Variants in KIFC3 observed in about 807,000 individuals in gnomAD.
The protein encoded by KIFC3 is kinesin family member C3.
A neutral mutation model predicts 101.8 loss-of-function variants in KIFC3; 60 were observed. The ratio of observed to expected loss-of-function variants is 0.59; its 90% CI spans 0.48 to 0.73. The LOEUF (loss-of-function observed/expected upper bound fraction) is 0.73, where lower values mean the gene tolerates loss of function less well. Among genes scored for constraint, KIFC3 ranks in the 30% least tolerant of loss-of-function variants. The pLI, the probability that KIFC3 is intolerant of heterozygous loss-of-function variation, is 0.00. For missense variants in KIFC3, 966 were observed against 1,137.1 expected, an observed-to-expected ratio of 0.85 and a Z score of 2.16; for synonymous variants, 476 against 482.7, an observed-to-expected ratio of 0.99 and a Z score of 0.18.
chr16:57,796,759 C>G (rs1163849885), intron 2 of KIFC3, among the ~76,000 whole-genome samples: 12 of 152,198 alleles, frequency 7.9e-5, no homozygotes, highest in African/African-American at 2.4e-4. Flanking sequence ...CACACACACA[C>G]AGACACACAC....
At chr16:57,764,802 T>C (rs545083778) in intron 11 of KIFC3, among the ~76,000 whole-genome samples, 4 of 131,968 alleles carry the variant, frequency 3.0e-5, no homozygotes, top group South Asian at 2.5e-4. Flanking sequence ...GTCATGAAGA[T>C]GGATGGGGCC....
intron 1 of KIFC3, among the ~76,000 whole-genome samples, chr16:57,821,857 G>C (rs1308507244): frequency 1.3e-5 from 2 of 152,168 alleles, no homozygotes; most frequent in African/African-American, 4.8e-5. Flanking sequence ...AGGTGGCAGT[G>C]AGGCTTGTTC....
At chr16:57,819,180 G>A (rs874503) in intron 1 of KIFC3, among the ~76,000 whole-genome samples, 18,234 of 152,150 alleles carry the variant, frequency 0.12, 2,034 homozygotes, top group African/African-American at 0.25. Context: ...CACAAAATCC[G>A]TACTATTGGC....
At chr16:57,774,337 T>C (rs1311142323) in intron 3 of KIFC3, 2 of 152,192 alleles carry the variant, frequency 1.3e-5, no homozygotes, top group African/African-American at 2.4e-5. Flanking sequence ...TGTGTATATA[T>C]AGTACATAGA....
intron 3 of KIFC3, among the ~76,000 whole-genome samples, chr16:57,786,173 C>T (rs1329506550): frequency 1.3e-5 from 2 of 152,256 alleles, no homozygotes; most frequent in African/African-American, 2.4e-5. Context: ...TGTGTATGTG[C>T]GAGGGACAGA....
At chr16:57,837,508 G>C (rs940238379) in intron 1 of KIFC3, among the ~76,000 whole-genome samples, 1 of 84,574 alleles carries the variant, frequency 1.2e-5, no homozygotes, top group African/African-American at 4.4e-5. Context: ...GAAGGAAGGA[G>C]AAAGAAAGAA....
chr16:57,769,842 C>G lies in KIFC3; in HGVS notation c.1053G>C (p.Gln351His). ...TCTCGTGCACAGCCTTCATCTCCAC[C>G]TGGGCTCTGGCAAAGGCCTCCTCAA... Reference protein sequence around the residue: ...RAIEEAFARAQVEMKAVHENL... With the variant: ...RAIEEAFARAHVEMKAVHENL... The change falls in exon 8 of 20, where the codon CAG (glutamine) becomes CAC (histidine). Residue 351 changes from glutamine (Q) to histidine (H), a missense_variant. Gln to His is a conservative substitution (Grantham distance 24). Around this residue, in one of 2 missense-constraint regions of KIFC3, gnomAD observed 689 missense variants for 884.6 expected, o/e 0.78. Coordinates refer to ENST00000445690, the MANE Select transcript of KIFC3 (RefSeq NM_001130100.2). This position sits in a 1 kb window ranked among gnomAD's most constrained non-coding sequence, Gnocchi z 4.3. 1 of 1,613,764 alleles carries G rather than the reference C, an allele frequency of 6.2e-7. No individual in the cohort carries two copies. Among genetic ancestry groups the G allele is most frequent in the Non-Finnish European group, 8.5e-7 (1 of 1,180,024 alleles).
intron 1 of KIFC3, among the ~76,000 whole-genome samples, chr16:57,799,780 G>A (rs1441331612): frequency 1.3e-5 from 2 of 152,160 alleles, no homozygotes; most frequent in Non-Finnish European, 2.9e-5. Context: ...AGGGACAGGA[G>A]CTCCAGGCAA....
chr16:57,838,965 G>A (rs2055751143), intron 1 of KIFC3, among the ~76,000 whole-genome samples: 1 of 152,196 alleles, frequency 6.6e-6, no homozygotes, highest in East Asian at 1.9e-4. Context: ...GCAAGGTGCA[G>A]AGTGGGGGAT....
Position 57,850,503 on chromosome 16 carries a change from A to T in KIFC3, c.108+12226T>A, listed in dbSNP as rs2056031137. ...TTTTTTTTTTTTGAGATGGAGTCTC[A>T]CTCACTCTTTTGCCCAGGCTGGAAT... On this transcript the variant is annotated intron_variant, in intron 1 of 2. Transcript: ENST00000563028. Among the ~76,000 whole-genome samples the T allele has an allele frequency of 2.7e-5, 3 of 110,108 alleles. No homozygotes were observed. In the Admixed American group the frequency reaches 4.1e-4, roughly 15 times the overall value. 72.2% of individuals were successfully genotyped at this position (110,108 alleles called of 152,430 possible).
At chr16:57,826,940 T>C (rs1331134935) in intron 1 of KIFC3, among the ~76,000 whole-genome samples, 2 of 152,206 alleles carry the variant, frequency 1.3e-5, no homozygotes, top group Non-Finnish European at 2.9e-5. Flanking sequence ...GCTGGGACAC[T>C]GGGGCCTGCT....
At chr16:57,858,955 A>G (rs1313847831) in intron 1 of KIFC3, among the ~76,000 whole-genome samples, 1 of 152,006 alleles carries the variant, frequency 6.6e-6, no homozygotes, top group Non-Finnish European at 1.5e-5. Flanking sequence ...CTCAAAAAAT[A>G]AAAAAAAGAA....
At chr16:57,761,296 G>C in intron 14 of KIFC3, 117 bp downstream of exon 14, 1 of 1,575,820 alleles carries the variant, frequency 6.3e-7, no homozygotes, top group South Asian at 1.2e-5. Flanking sequence ...CTGAGGCTCA[G>C]AGAGGCGTGC....
chr16:57,853,741 CCT>C (rs1338631295), intron 1 of KIFC3, among the ~76,000 whole-genome samples: 1 of 152,194 alleles, frequency 6.6e-6, no homozygotes, highest in African/African-American at 2.4e-5. Context: ...AAGCAATTCT[CCT>C]GTCTCAGCCT....
At chr16:57,802,556 C>T, upstream of KIFC3, 3 of 990,332 alleles carry the variant, frequency 3.0e-6, no homozygotes, top group Non-Finnish European at 3.6e-6. This position sits in a 1 kb window ranked among gnomAD's most constrained non-coding sequence, Gnocchi z 5.0. Flanking sequence ...CAACCGGCTC[C>T]GACCCCGGCG....
chr16:57,759,610 G>C (rs1008325091), intron 18 of KIFC3, 118 bp downstream of exon 18: 3 of 733,504 alleles, frequency 4.1e-6, no homozygotes, highest in South Asian at 1.9e-5. Flanking sequence ...ACAGGTTCTG[G>C]AGAAGGTGTA....
In KIFC3 at chr16:57,798,110, C is replaced by G. The variant is rs782217741; in HGVS notation, c.134G>C (p.Arg45Pro). 1 of 1,582,600 alleles carries G rather than the reference C, an allele frequency of 6.3e-7. No homozygotes were observed. The highest frequency in any genetic ancestry group is 1.3e-5 in the African/African-American group (1 of 74,270). The change falls in exon 2 of 20, where the codon CGC (arginine) becomes CCC (proline). Residue 45 changes from arginine to proline, a missense_variant. Physicochemically the swap from Arg to Pro is moderately radical, Grantham distance 103. Coordinates refer to ENST00000445690, the MANE Select transcript of KIFC3 (RefSeq NM_001130100.2). ...CCCCGGGCCGGTGTGTGGGAAAGGG[C>G]GGGCGGCCGGGCTGGCTGGGGCTGG... The part of the protein sequence containing the change: ...PAPAPASPAA[R>P]PFPHTGPGRL...
intron 1 of KIFC3, among the ~76,000 whole-genome samples, chr16:57,799,917 G>A (rs1294144807): frequency 5.3e-5 from 8 of 152,136 alleles, no homozygotes; most frequent in Admixed American, 1.3e-4. Flanking sequence ...AGCCTGTGGA[G>A]GGAGAAGGGC....
upstream of KIFC3, among the ~76,000 whole-genome samples, chr16:57,805,871 T>C (rs1336586025): frequency 1.3e-5 from 2 of 152,128 alleles, no homozygotes; most frequent in African/African-American, 4.8e-5. Flanking sequence ...AGACGGTGTT[T>C]TGCCATGTTG....
Sources: gnomAD v4.1 joint callset for allele counts (sites outside exome capture counted in the v4.1 genomes callset) on GRCh38, gnomAD v4.1.1 for gene constraint, gnomAD v4.1.1 regional missense constraint, Gnocchi (gnomAD v3.1) non-coding constraint, MANE v1.5 for transcripts, NCBI Gene and HGNC (gene_info 2026-07-23, HGNC 2026-07-21) for gene names.